Variants in BCCIP observed in about 807,000 individuals in gnomAD.
BCCIP encodes BRCA2 and CDKN1A-interacting protein.
BCCIP carries 23 observed loss-of-function variants against 32.8 expected under a neutral mutation model. That is an observed-to-expected ratio of 0.70 (90% confidence interval 0.51 to 0.99). The LOEUF is 0.99. Ranked by LOEUF, BCCIP falls within the 50% of genes least tolerant of loss-of-function variation. The pLI is 0.00. For synonymous variants in BCCIP, 144 were observed against 137.6 expected, an observed-to-expected ratio of 1.05 and a Z score of -0.33; for missense variants, 378 against 379.8, an observed-to-expected ratio of 1.00 and a Z score of 0.04.
intron 6 of BCCIP, 76 bp from the exon 7 acceptor site, chr10:125,836,028 T>C (rs938723612): frequency 7.6e-7 from 1 of 1,323,170 alleles, no homozygotes. Flanking sequence ...AAACGTAATA[T>C]TCTTTGCCGT....
chr10:125,840,741 G>T, downstream of BCCIP: 2 of 1,304,260 alleles, frequency 1.5e-6, no homozygotes, highest in Non-Finnish European at 2.1e-6. Flanking sequence ...CATTCAAGTG[G>T]CCAGTAGGGC....
At chr10:125,844,327 A>G (rs1183454100), downstream of BCCIP, among the ~76,000 whole-genome samples, 1 of 152,388 alleles carries the variant, frequency 6.6e-6, no homozygotes, top group African/African-American at 2.4e-5. Flanking sequence ...CTGCTGCATT[A>G]TAAGTTACAG....
At chr10:125,841,013 G>T, downstream of BCCIP, 1 of 1,590,322 alleles carries the variant, frequency 6.3e-7, no homozygotes, top group Non-Finnish European at 8.6e-7. Flanking sequence ...AATGAAAAAG[G>T]TCACATGGTT....
intron 1 of BCCIP, among the ~76,000 whole-genome samples, chr10:125,825,022 A>G (rs977458130): frequency 2.0e-5 from 3 of 152,252 alleles, no homozygotes; most frequent in South Asian, 4.1e-4. Flanking sequence ...TACAAATTTT[A>G]CTTTGGCTCT....
exon 7 of BCCIP, chr10:125,841,876 A>C (rs1564822951): frequency 1.2e-6 from 2 of 1,613,478 alleles, no homozygotes; most frequent in Non-Finnish European, 1.7e-6. Context: ...GATTTCCATC[A>C]TTATCCAGTG....
At chr10:125,826,348 T>A in intron 1 of BCCIP, 1 of 521,546 alleles carries the variant, frequency 1.9e-6, no homozygotes, top group South Asian at 2.3e-5. Flanking sequence ...CCCACCCTTG[T>A]AATCAGGAAA....
Position 125,849,690 on chromosome 10 carries a change from G to A in BCCIP, c.851-3435G>A, listed in dbSNP as rs546842282. ...ATGGGGAGGGCCACATGTGAGGGCC[G>A]TTGGCAGCCTGCTTCCTCCCATTCT... On this transcript the variant is annotated intron_variant, in intron 7 of 7. Transcript: ENST00000368759. 4.6e-5 allele frequency among the ~76,000 whole-genome samples: 7 copies of A among 152,302 alleles called. No homozygotes were observed. In the East Asian group the frequency reaches 5.8e-4, roughly 13 times the overall value.
In BCCIP at chr10:125,830,647, G is replaced by A; in HGVS notation, c.407G>A (p.Arg136Lys). The change falls in exon 4 of 7, where the codon AGA becomes AAA. Residue 136 changes from arginine to lysine, a missense_variant. Coordinates refer to ENST00000278100, the MANE Select transcript of BCCIP (RefSeq NM_078468.3). The part of the protein sequence containing the change: ...GFISLLNLTE[R>K]KGTQCVEQIQ... The stretch of plus-strand genomic sequence containing the variant: ...ATAAGCCTTTTAAATTTAACTGAAA[G>A]AAAGGTTGGTTTCACTGGATGGCAT... 1.3e-6 allele frequency: 2 copies of A among 1,596,328 alleles called. No homozygotes were observed. The highest frequency in any genetic ancestry group is 1.7e-4 in the Middle Eastern group (1 of 6,024).
chr10:125,848,171 A>G (rs1376429550), intron 7 of BCCIP, among the ~76,000 whole-genome samples: 1 of 152,184 alleles, frequency 6.6e-6, no homozygotes, highest in Non-Finnish European at 1.5e-5. Flanking sequence ...GGAGAAACTG[A>G]AGAATGAAGA....
chr10:125,845,766 T>A (rs957320767), downstream of BCCIP, among the ~76,000 whole-genome samples: 3 of 152,248 alleles, frequency 2.0e-5, no homozygotes, highest in Non-Finnish European at 4.4e-5. Flanking sequence ...AGCCTTGCCC[T>A]GGGCAGGGCT....
At chr10:125,852,973 G>A (rs1944110810) in intron 7 of BCCIP, 1 of 634,914 alleles carries the variant, frequency 1.6e-6, no homozygotes, top group Non-Finnish European at 2.8e-6. Flanking sequence ...ACAGAGAAAG[G>A]GTTCTCACCT....
chr10:125,836,599 C>T (rs542077938), downstream of BCCIP: 11 of 1,478,604 alleles, frequency 7.4e-6, no homozygotes, highest in African/African-American at 5.6e-5. Flanking sequence ...ATGTGAAATC[C>T]GTCTTCGCGT....
intron 7 of BCCIP, chr10:125,852,573 G>T (rs961381093): frequency 6.2e-7 from 1 of 1,613,804 alleles, no homozygotes; most frequent in South Asian, 1.1e-5. Flanking sequence ...ATCTGCTTGC[G>T]TATCTCTGCC....
downstream of BCCIP, chr10:125,841,534 G>C: frequency 2.1e-6 from 3 of 1,427,724 alleles, no homozygotes; most frequent in Non-Finnish European, 2.7e-6. Context: ...GCTGAACTTT[G>C]AGTTAGTTTT....
At chr10:125,831,681 G>A in intron 5 of BCCIP, 74 bp downstream of exon 5, 1 of 1,383,588 alleles carries the variant, frequency 7.2e-7, no homozygotes, top group Non-Finnish European at 9.9e-7. Context: ...CATTTAAGTA[G>A]AATATGTAGA....
downstream of BCCIP, chr10:125,838,467 A>G (rs1407428232): frequency 1.3e-5 from 17 of 1,311,172 alleles, no homozygotes; most frequent in Non-Finnish European, 1.6e-5. Context: ...TGAAAAAAAT[A>G]CCAAAGTATT....
At chr10:125,842,042 A>G in exon 7 of BCCIP, 2 of 1,339,738 alleles carry the variant, frequency 1.5e-6, no homozygotes, top group Non-Finnish European at 9.7e-7. Context: ...TGGACAAAAT[A>G]TGTGAAACAA....
chr10:125,839,141 GTGC>G, downstream of BCCIP: 1 of 1,614,264 alleles, frequency 6.2e-7, no homozygotes, highest in Non-Finnish European at 8.5e-7. Context: ...GCCATTCTGA[GTGC>G]TGAACAGTTG....
intron 4 of BCCIP, among the ~76,000 whole-genome samples, chr10:125,831,097 T>C (rs1250014607): frequency 2.0e-5 from 3 of 152,248 alleles, no homozygotes; most frequent in Non-Finnish European, 4.4e-5. Context: ...CAGAATAAGA[T>C]GCAGGCTACA....
Sources: allele counts gnomAD v4.1 joint callset (sites outside exome capture counted in the v4.1 genomes callset), GRCh38; gene constraint gnomAD v4.1.1; transcripts MANE v1.5; gene names NCBI Gene and HGNC (gene_info 2026-07-23, HGNC 2026-07-21).